Variants in UBQLN1 observed in about 807,000 individuals in gnomAD.
UBQLN1 encodes the protein ubiquilin 1.
UBQLN1 carries 13 observed loss-of-function variants against 65.4 expected under a neutral mutation model. That is an observed-to-expected ratio of 0.20 (90% CI 0.13 to 0.32). The LOEUF (loss-of-function observed/expected upper bound fraction) is 0.32. UBQLN1 is among the 10% of genes least tolerant of loss of function. The pLI is 1.00. For missense variants in UBQLN1, 561 were observed against 724.0 expected (o/e 0.77, Z 2.58); for synonymous variants, 267 against 247.8 (o/e 1.08, Z -0.73).
At chr9:83,677,638 C>T (rs1044614251) in intron 6 of UBQLN1, 89 bp downstream of exon 6, 3 of 943,750 alleles carry the variant, frequency 3.2e-6, no homozygotes, top group African/African-American at 3.3e-5. Flanking sequence ...TACATACACA[C>T]AAAAGCACAA....
intron 1 of UBQLN1, among the ~76,000 whole-genome samples, chr9:83,697,327 C>T (rs1439702005): frequency 2.0e-5 from 3 of 149,002 alleles, no homozygotes; most frequent in East Asian, 4.0e-4. Flanking sequence ...CAAAGGCAGG[C>T]GAATCATGAG....
At chr9:83,702,706 CTTT>C (rs1832331797) in intron 1 of UBQLN1, among the ~76,000 whole-genome samples, 1 of 152,092 alleles carries the variant, frequency 6.6e-6, no homozygotes, top group African/African-American at 2.4e-5. Flanking sequence ...ACACATCTCA[CTTT>C]TTAAGTACTT....
chr9:83,668,954 T>A (rs1831686157), intron 7 of UBQLN1: 1 of 460,580 alleles, frequency 2.2e-6, no homozygotes, highest in Non-Finnish European at 3.6e-6. Flanking sequence ...AAACTAAACC[T>A]GCACTTCTTT....
chr9:83,690,023 T>A (rs1832100604), intron 1 of UBQLN1, among the ~76,000 whole-genome samples: 1 of 152,238 alleles, frequency 6.6e-6, no homozygotes, highest in African/African-American at 2.4e-5. Flanking sequence ...CCACACACAC[T>A]GTGGGTACAA....
At chr9:83,707,201 G>A (rs1832425117) in intron 1 of UBQLN1, among the ~76,000 whole-genome samples, 1 of 152,150 alleles carries the variant, frequency 6.6e-6, no homozygotes, top group Non-Finnish European at 1.5e-5. Context: ...TTGGAGGGGA[G>A]GCGACGGAGG....
At chr9:83,666,492 T>C in intron 7 of UBQLN1, 59 bp from the exon 8 acceptor site, 1 of 1,551,160 alleles carries the variant, frequency 6.4e-7, no homozygotes. Context: ...GTAATGTACC[T>C]TGTTTTATTC....
chr9:83,663,774 G>A, intron 10 of UBQLN1, 101 bp downstream of exon 10: 1 of 1,280,040 alleles, frequency 7.8e-7, no homozygotes, highest in East Asian at 2.4e-5. Flanking sequence ...AAACACCTAA[G>A]AACTACTGCT....
At chr9:83,662,439 G>A (rs1010480722) in intron 10 of UBQLN1, among the ~76,000 whole-genome samples, 3 of 151,932 alleles carry the variant, frequency 2.0e-5, no homozygotes, top group African/African-American at 7.3e-5. Context: ...TTTAATTTTT[G>A]CACTGGACAG....
At chr9:83,682,596 C>T (rs1489863040) in intron 3 of UBQLN1, among the ~76,000 whole-genome samples, 2 of 152,194 alleles carry the variant, frequency 1.3e-5, no homozygotes, top group Non-Finnish European at 2.9e-5. Flanking sequence ...TACAAAATAA[C>T]TAATGCAGTC....
At chr9:83,679,701 TC>T in intron 4 of UBQLN1, 73 bp downstream of exon 4, 1 of 1,503,160 alleles carries the variant, frequency 6.7e-7, no homozygotes, top group Non-Finnish European at 9.1e-7. Context: ...CAGGACAATC[TC>T]ATTAACCACA....
chr9:83,660,860 A>G lies in UBQLN1; in HGVS notation c.*927T>C, dbSNP rs906479136. ...TTTATGGCGATTAAAAATAACTGAA[A>G]CATCAAGACACTTTTTCAGTGAAAG... is the stretch of plus-strand genomic sequence containing the variant. On this transcript the variant is annotated 3_prime_UTR_variant, in exon 11 of 11. Transcript: ENST00000376395. The G allele has an allele frequency of 6.6e-6, 1 of 152,632 alleles. No individual in the cohort carries two copies. Among genetic ancestry groups the G allele is most frequent in the African/African-American group, 2.4e-5 (1 of 41,448 alleles). The allele number at this position is 152,632 out of a possible 1,614,324, so 9.5% of individuals were successfully genotyped here. A position where few individuals can be genotyped will look rare whatever the true frequency, so the allele number is the denominator to read the frequency against.
At chr9:83,678,631 A>G in intron 4 of UBQLN1, 32 bp from the exon 5 acceptor site, 2 of 1,587,560 alleles carry the variant, frequency 1.3e-6, no homozygotes, top group Non-Finnish European at 1.7e-6. Flanking sequence ...AAAGAAAAAA[A>G]AAAGGCATTG....
intron 7 of UBQLN1, chr9:83,667,575 T>TTAA: frequency 1.0e-6 from 1 of 985,430 alleles, no homozygotes; most frequent in Middle Eastern, 5.2e-4. Context: ...TCATACAGGC[T>TTAA]TAAGGTCAAC....
intron 4 of UBQLN1, 26 bp from the exon 5 acceptor site, chr9:83,678,625 A>G (rs772131447): frequency 3.3e-5 from 48 of 1,454,364 alleles, no homozygotes; most frequent in Non-Finnish European, 4.4e-5. Flanking sequence ...CCAAAAAAAG[A>G]AAAAAAAAAG....
At chr9:83,694,658 G>A (rs1832179968) in intron 1 of UBQLN1, among the ~76,000 whole-genome samples, 1 of 152,122 alleles carries the variant, frequency 6.6e-6, no homozygotes, top group African/African-American at 2.4e-5. Flanking sequence ...CAAACTAAAT[G>A]TTTCACTATT....
intron 6 of UBQLN1, among the ~76,000 whole-genome samples, chr9:83,673,864 C>T (rs148439740): frequency 2.4e-3 from 364 of 152,120 alleles, no homozygotes; most frequent in African/African-American, 8.2e-3. Flanking sequence ...TGCGGTGATG[C>T]CATCACAGCT....
rs1832035411 is a variant in UBQLN1, at chr9:83,686,075, A to T, written c.261T>A (p.Asp87Glu). 10 of 1,603,354 alleles carry T rather than the reference A, an allele frequency of 6.2e-6. No individual in the cohort carries two copies. The highest frequency in any genetic ancestry group is 8.5e-6 in the Non-Finnish European group (10 of 1,177,312). ...TTCCATGCTGACTCAAGGTATCTTG[A>T]TCTTTCAAAATTTTTCCAGCAAATA... The part of the protein sequence containing the change: ...VLIFAGKILK[D>E]QDTLSQHGIH... The change falls in exon 2 of 11, where the codon GAT (aspartate) becomes GAA (glutamate). Residue 87 changes from aspartate to glutamate, a missense_variant. Transcript: ENST00000376395.
intron 1 of UBQLN1, among the ~76,000 whole-genome samples, chr9:83,704,881 G>A (rs534855462): frequency 2.0e-5 from 3 of 147,330 alleles, no homozygotes; most frequent in Non-Finnish European, 3.0e-5. Flanking sequence ...AAATAAAAGC[G>A]TTCACAGAAT....
At chr9:83,673,950 C>T (rs1019079003) in intron 6 of UBQLN1, among the ~76,000 whole-genome samples, 1 of 152,030 alleles carries the variant, frequency 6.6e-6, no homozygotes, top group Admixed American at 6.6e-5. Flanking sequence ...TACAGCTGCA[C>T]ACCATGCCCG....
Sources: allele counts gnomAD v4.1 joint callset (sites outside exome capture counted in the v4.1 genomes callset), GRCh38; gene constraint gnomAD v4.1.1; transcripts MANE v1.5; gene names NCBI Gene and HGNC (gene_info 2026-07-23, HGNC 2026-07-21).